The following TUFT1 variants were observed in gnomAD, a reference collection of about 807,000 sequenced individuals.
TUFT1 encodes tuftelin 1, also known as tuftelin.
Under a neutral mutation model 57.8 loss-of-function variants are expected in TUFT1, and 43 were observed. The ratio of observed to expected loss-of-function variants is 0.74; its 90% CI spans 0.58 to 0.96. TUFT1 has a LOEUF of 0.96. Ranked by LOEUF, TUFT1 falls within the 40% of genes least tolerant of loss-of-function variation. TUFT1 has a pLI of 0.00. For missense variants in TUFT1, 459 were observed against 489.0 expected (o/e 0.94, Z 0.58); for synonymous variants, 166 against 176.7 (o/e 0.94, Z 0.48).
intron 1 of TUFT1, among the ~76,000 whole-genome samples, chr1:151,542,510 G>C (rs1012488889): frequency 1.1e-4 from 17 of 152,158 alleles, no homozygotes; most frequent in Middle Eastern, 3.4e-3. Context: ...GGGATTACAG[G>C]CATGAGCCAC....
Position 151,569,895 on chromosome 1 carries a change from T to C in TUFT1, c.594+125T>C, listed in dbSNP as rs1666203258. ...GTGCCACAAACTGGAAAGGCAAGGC[T>C]GTGAAGCCTGGAACGCTTGTCTGCT... On this transcript the variant is annotated intron_variant, in intron 7 of 12. Coordinates refer to ENST00000368849, the MANE Select transcript of TUFT1 (RefSeq NM_020127.3). 9.0e-6 allele frequency: 7 copies of C among 780,000 alleles called. No individual in the cohort carries two copies. In the South Asian group the frequency reaches 1.1e-4, roughly 12 times the overall value. 48.3% of individuals were successfully genotyped at this position (780,000 alleles called of 1,614,324 possible).
intron 9 of TUFT1, among the ~76,000 whole-genome samples, chr1:151,576,831 G>C (rs1666481815): frequency 6.6e-6 from 1 of 152,148 alleles, no homozygotes; most frequent in African/African-American, 2.4e-5. Flanking sequence ...CACCATGTCG[G>C]CCAGGTTGGT....
chr1:151,544,878 A>G (rs1031892321), intron 1 of TUFT1, among the ~76,000 whole-genome samples: 3 of 152,176 alleles, frequency 2.0e-5, no homozygotes, highest in Non-Finnish European at 4.4e-5. Flanking sequence ...TTAGACATCT[A>G]TTGACTTCTG....
In TUFT1 at chr1:151,579,122, T is replaced by C. The variant is rs1455261004; in HGVS notation, c.924+296T>C. 2.6e-5 allele frequency among the ~76,000 whole-genome samples: 4 copies of C among 152,370 alleles called. No individual in the cohort carries two copies. The East Asian group carries it at 7.7e-4, about 29-fold the overall frequency. ...TGAGTAGTTGAGTCATAATAAACTC[T>C]GTTATCTGTGCAGATTATCAGTCTT... is the stretch of plus-strand genomic sequence containing the variant. On this transcript the variant is annotated intron_variant, in intron 10 of 12. Transcript: ENST00000368849.
chr1:151,561,946 C>G, intron 1 of TUFT1, 145 bp from the exon 2 acceptor site: 1 of 1,488,460 alleles, frequency 6.7e-7, no homozygotes, highest in East Asian at 2.4e-5. Flanking sequence ...TGCTGCCTCC[C>G]TGGACTTCAG....
In TUFT1 at chr1:151,581,764, G is replaced by C. The variant is rs1192479546; in HGVS notation, c.*57G>C. 2.5e-6 allele frequency: 4 copies of C among 1,580,304 alleles called. No individual in the cohort carries two copies. The highest frequency in any genetic ancestry group is 3.5e-6 in the Non-Finnish European group (4 of 1,149,952). ...TGCCTCTGCCTCGGAGAAGCCCACTGCCCCTGTTGGCTGTTAACACTGCCT... is the reference window on the plus strand; with the variant it reads ...TGCCTCTGCCTCGGAGAAGCCCACTCCCCCTGTTGGCTGTTAACACTGCCT... On this transcript the variant is annotated 3_prime_UTR_variant, in exon 13 of 13. Transcript: ENST00000368849.
intron 6 of TUFT1, 42 bp downstream of exon 6, chr1:151,566,270 G>C: frequency 6.5e-7 from 1 of 1,548,766 alleles, no homozygotes. Flanking sequence ...CTTAGCCAGG[G>C]GCAGGATTGC....
At chr1:151,546,427 TA>T (rs926419726) in intron 1 of TUFT1, among the ~76,000 whole-genome samples, 12 of 152,228 alleles carry the variant, frequency 7.9e-5, no homozygotes, top group African/African-American at 2.9e-4. Flanking sequence ...CAGTGGTTTT[TA>T]GTACATTCAC....
chr1:151,574,426 C>G, intron 8 of TUFT1, 28 bp downstream of exon 8: 1 of 1,612,722 alleles, frequency 6.2e-7, no homozygotes, highest in Non-Finnish European at 8.5e-7. Flanking sequence ...CTTGTCAGTG[C>G]CTGGACTCCT....
At chr1:151,566,300 T>A in intron 6 of TUFT1, 72 bp downstream of exon 6, 1 of 1,263,222 alleles carries the variant, frequency 7.9e-7, no homozygotes, top group African/African-American at 1.5e-5. Context: ...ATCCTTTTGT[T>A]TATTGCTTTC....
intron 3 of TUFT1, among the ~76,000 whole-genome samples, chr1:151,563,245 T>A (rs902816259): frequency 4.6e-5 from 7 of 152,156 alleles, no homozygotes; most frequent in Non-Finnish European, 7.4e-5. Flanking sequence ...TCTTTTTTTT[T>A]ATAAAACAGC....
Position 151,574,989 on chromosome 1 carries a change from C to A in TUFT1, c.802C>A (p.Gln268Lys). The change falls in exon 9 of 13, where the codon CAA becomes AAA. Residue 268 changes from glutamine to lysine, a missense_variant. Coordinates refer to ENST00000368849, the MANE Select transcript of TUFT1 (RefSeq NM_020127.3). Reference protein sequence around the residue: ...EELRSNNADCQAEREKAATLE... With the variant: ...EELRSNNADCKAEREKAATLE... ...ACTTCGGAGCAACAATGCTGACTGC[C>A]AAGCAGAACGAGAAAAGTAAGGGCT... 1 of 1,565,606 alleles carries A rather than the reference C, an allele frequency of 6.4e-7. No homozygotes were observed. The highest frequency in any genetic ancestry group is 8.7e-7 in the Non-Finnish European group (1 of 1,154,606).
intron 6 of TUFT1, among the ~76,000 whole-genome samples, chr1:151,568,737 T>G (rs1666156892): frequency 6.6e-6 from 1 of 152,228 alleles, no homozygotes; most frequent in African/African-American, 2.4e-5. Flanking sequence ...GCAAATACAT[T>G]GTTGGCAACA....
chr1:151,578,540 C>A (rs1002331406), intron 9 of TUFT1, among the ~76,000 whole-genome samples, 181 bp from the exon 10 acceptor site: 2 of 152,250 alleles, frequency 1.3e-5, no homozygotes, highest in African/African-American at 4.8e-5. Flanking sequence ...GAACTCCTGA[C>A]CTCAGTGCTT....
chr1:151,581,824 A>T lies in TUFT1; in HGVS notation c.*117A>T, dbSNP rs1398368707. On this transcript the variant is annotated 3_prime_UTR_variant, in exon 13 of 13. Transcript: ENST00000368849. Reference sequence around the variant, plus strand: ...TGACTGTCCCCTGGCTGCACCCAGGACTTCGGGCTCCTGTGTCTCACCATT... The same window carrying T: ...TGACTGTCCCCTGGCTGCACCCAGGTCTTCGGGCTCCTGTGTCTCACCATT... 3 of 1,077,742 alleles carry T rather than the reference A, an allele frequency of 2.8e-6. No homozygotes were observed. Among genetic ancestry groups the T allele is most frequent in the Non-Finnish European group, 4.2e-6 (3 of 716,542 alleles). The allele number at this position is 1,077,742 out of a possible 1,614,324, so 66.8% of individuals were successfully genotyped here.
chr1:151,570,505 C>T (rs1473018979), intron 7 of TUFT1, among the ~76,000 whole-genome samples: 1 of 152,152 alleles, frequency 6.6e-6, no homozygotes, highest in Non-Finnish European at 1.5e-5. Flanking sequence ...TGGTCTCGAT[C>T]TCCTGACCTT....
At chr1:151,567,482 C>T (rs1216591815) in intron 6 of TUFT1, among the ~76,000 whole-genome samples, 1 of 152,148 alleles carries the variant, frequency 6.6e-6, no homozygotes, top group Non-Finnish European at 1.5e-5. Context: ...GATCTGCCCA[C>T]CTCGGCCTCC....
chr1:151,562,567 T>TCTCA lies in TUFT1; in HGVS notation c.136-17_136-16insTCAC, dbSNP rs758936437. The TCTCA allele has an allele frequency of 6.3e-7, 1 of 1,599,994 alleles. No homozygotes were observed. The highest frequency in any genetic ancestry group is 2.2e-5 in the East Asian group (1 of 44,806). On this transcript the variant is annotated splice_polypyrimidine_tract_variant and intron_variant, in intron 2 of 12. Coordinates refer to ENST00000368849, the MANE Select transcript of TUFT1 (RefSeq NM_020127.3). ...CCATCTCTCTCTCTCTCTCTCTCTCTCATCTCTCTTTGGCCAGGCGGGCAG... is the reference window on the plus strand; with the variant it reads ...CCATCTCTCTCTCTCTCTCTCTCTCTCTCACATCTCTCTTTGGCCAGGCGGGCAG...
In TUFT1 at chr1:151,581,055, G is replaced by A. The variant is rs779745814; in HGVS notation, c.1109+13G>A. 16 of 1,613,012 alleles carry A rather than the reference G, an allele frequency of 9.9e-6. No homozygotes were observed. The highest frequency in any genetic ancestry group is 1.7e-4 in the Middle Eastern group (1 of 6,058). The stretch of plus-strand genomic sequence containing the variant: ...AGAACCCGGGCAGGTGAGTGAGCGT[G>A]TGTAGATAGAATGGGGCCAGGGAGG... On this transcript the variant is annotated intron_variant, in intron 12 of 12. Transcript: ENST00000368849.
Sources: gnomAD v4.1 joint callset for allele counts (sites outside exome capture counted in the v4.1 genomes callset) on GRCh38, gnomAD v4.1.1 for gene constraint, MANE v1.5 for transcripts, NCBI Gene and HGNC (gene_info 2026-07-23, HGNC 2026-07-21) for gene names.